COL11A1: variants seen among roughly 807,000 people sequenced by gnomAD.
COL11A1 encodes collagen alpha-1(XI) chain.
A neutral mutation model predicts 265.2 loss-of-function variants in COL11A1; 74 were observed. The ratio of observed to expected loss-of-function variants is 0.28; its 90% CI spans 0.23 to 0.34. COL11A1 has a LOEUF of 0.34. Among genes scored for constraint, COL11A1 ranks in the 10% least tolerant of loss-of-function variants. The pLI is 1.00. For synonymous variants in COL11A1, 816 were observed against 727.6 expected, an observed-to-expected ratio of 1.12 and a Z score of -1.96; for missense variants, 2,165 against 2,263.6, an observed-to-expected ratio of 0.96 and a Z score of 0.88.
intron 41 of COL11A1, among the ~76,000 whole-genome samples, chr1:102,953,711 T>C (rs971495466): frequency 2.6e-5 from 4 of 152,184 alleles, no homozygotes; most frequent in Non-Finnish European, 5.9e-5. Context: ...GAAAATTATA[T>C]GGCATATTTA....
At chr1:103,013,533 C>T (rs1046194379) in intron 13 of COL11A1, among the ~76,000 whole-genome samples, 3 of 151,614 alleles carry the variant, frequency 2.0e-5, no homozygotes, top group African/African-American at 7.3e-5. Context: ...ATGCCAAAAT[C>T]TAATAAACAA....
intron 1 of COL11A1, among the ~76,000 whole-genome samples, chr1:103,097,990 T>A (rs1197742318): frequency 6.6e-6 from 1 of 151,844 alleles, no homozygotes; most frequent in Non-Finnish European, 1.5e-5. Flanking sequence ...CTGAGTATGG[T>A]GAAGAAAAGA....
At chr1:103,080,249 C>A (rs1672299219) in intron 2 of COL11A1, among the ~76,000 whole-genome samples, 1 of 151,758 alleles carries the variant, frequency 6.6e-6, no homozygotes, top group South Asian at 2.1e-4. Context: ...GAAGACAGTA[C>A]AGTATCTCAA....
rs554991103 is a variant in COL11A1, at chr1:102,938,964, A to G, written c.3438+71T>C. 50 of 1,384,866 alleles carry G rather than the reference A, an allele frequency of 3.6e-5. No homozygotes were observed. In the South Asian group the frequency reaches 5.2e-4, roughly 14 times the overall value. 85.8% of individuals were successfully genotyped at this position (1,384,866 alleles called of 1,614,324 possible). A position where few individuals can be genotyped will look rare whatever the true frequency, so the allele number is the denominator to read the frequency against. On this transcript the variant is annotated intron_variant, in intron 44 of 66. Coordinates refer to ENST00000370096, the MANE Select transcript of COL11A1 (RefSeq NM_001854.4). ...CTAGGAAAGTAAGTAGCACTATATA[A>G]AAATATCAATGGTAAACAGTAAAAG...
chr1:102,945,247 A>ACACTCTCT (rs1659133764), intron 42 of COL11A1, among the ~76,000 whole-genome samples: 1 of 129,176 alleles, frequency 7.7e-6, no homozygotes, highest in African/African-American at 3.0e-5. Context: ...TTTTCTTTTT[A>ACACTCTCT]CTCTCTCTCT....
chr1:102,965,096 A>G (rs189291655), intron 38 of COL11A1, among the ~76,000 whole-genome samples: 8 of 152,308 alleles, frequency 5.3e-5, no homozygotes, highest in Admixed American at 3.3e-4. Flanking sequence ...TTCTAAATCT[A>G]ATTTATACTC....
intron 7 of COL11A1, among the ~76,000 whole-genome samples, chr1:103,025,019 A>C (rs1256904444): frequency 2.0e-5 from 3 of 152,220 alleles, no homozygotes; most frequent in African/African-American, 7.2e-5. Context: ...ATAAGAATTA[A>C]TATTACATTC....
In COL11A1 at chr1:103,079,393, G is replaced by T. The variant is rs1399942164; in HGVS notation, c.275-522C>A. Among the ~76,000 whole-genome samples, 6 of 152,156 alleles carry T rather than the reference G, an allele frequency of 3.9e-5. No individual in the cohort carries two copies. The East Asian group carries it at 1.2e-3, about 29-fold the overall frequency. On this transcript the variant is annotated intron_variant, in intron 2 of 66. Coordinates refer to ENST00000370096, the MANE Select transcript of COL11A1 (RefSeq NM_001854.4). The stretch of plus-strand genomic sequence containing the variant: ...CTGTATATTGCTTCTTATTAAAGAA[G>T]CATATGTCATTATGAGCCAGAACTA...
At chr1:102,906,935 T>C (rs958199172) in intron 54 of COL11A1, among the ~76,000 whole-genome samples, 1 of 152,012 alleles carries the variant, frequency 6.6e-6, no homozygotes, top group Non-Finnish European at 1.5e-5. Context: ...GTGAAGAAAA[T>C]AGATTATTAT....
At chr1:103,071,413 G>T (rs1437413926) in intron 4 of COL11A1, among the ~76,000 whole-genome samples, 1 of 136,914 alleles carries the variant, frequency 7.3e-6, no homozygotes, top group African/African-American at 2.7e-5. Flanking sequence ...TCACATCTTT[G>T]AATCTTATTT....
rs1377655546 is a variant in COL11A1 at position 103,074,692 on chromosome 1, T to A, written c.577A>T (p.Ser193Cys). The A allele has an allele frequency of 6.2e-7, 1 of 1,613,432 alleles. No homozygotes were observed. Among genetic ancestry groups the A allele is most frequent in the Admixed American group, 1.7e-5 (1 of 59,832 alleles). Reference sequence around the variant, plus strand: ...TTGGTATCAACAATTGCTCTCTCACTTCTATCAAGTGGTTTCGTGGTTTTC... The same window carrying A: ...TTGGTATCAACAATTGCTCTCTCACATCTATCAAGTGGTTTCGTGGTTTTC... Reference protein sequence around the residue: ...KKKTTKPLDRSERAIVDTNGI... With the variant: ...KKKTTKPLDRCERAIVDTNGI... Residue 193 changes from serine to cysteine, a missense_variant, in exon 4 of 67, where the codon AGT becomes TGT. Transcript: ENST00000370096.
At chr1:102,965,595 A>C (rs1349524664) in intron 37 of COL11A1, 55 bp from the exon 38 acceptor site, 1 of 1,445,594 alleles carries the variant, frequency 6.9e-7, no homozygotes, top group East Asian at 2.3e-5. Flanking sequence ...AGCATAAATC[A>C]AAATTCTATG....
intron 66 of COL11A1, among the ~76,000 whole-genome samples, chr1:102,879,243 G>C (rs1027713732): frequency 1.8e-4 from 27 of 151,988 alleles, no homozygotes; most frequent in African/African-American, 6.5e-4. Flanking sequence ...AACTGATATA[G>C]TACAAATTAA....
chr1:102,879,180 G>A (rs2101003830), intron 66 of COL11A1, among the ~76,000 whole-genome samples: 1 of 152,156 alleles, frequency 6.6e-6, no homozygotes, highest in African/African-American at 2.4e-5. Context: ...TCTTATGTGT[G>A]TGAACAAGGT....
intron 49 of COL11A1, among the ~76,000 whole-genome samples, chr1:102,919,343 A>T (rs1322874960): frequency 3.5e-5 from 2 of 57,846 alleles, no homozygotes; most frequent in Non-Finnish European, 7.2e-5. Flanking sequence ...AAAATATAAT[A>T]ACAATCTAAT....
chr1:103,076,100 G>A (rs1163830473), intron 3 of COL11A1, among the ~76,000 whole-genome samples: 1 of 151,948 alleles, frequency 6.6e-6, no homozygotes, highest in African/African-American at 2.4e-5. Flanking sequence ...AATTAATGTA[G>A]GCTATGATAA....
intron 42 of COL11A1, 126 bp downstream of exon 42, chr1:102,946,723 T>C (rs1283807764): frequency 4.6e-5 from 35 of 763,816 alleles, no homozygotes. Context: ...CGAGCCAGGG[T>C]ATTTACATGC....
intron 11 of COL11A1, 106 bp from the exon 12 acceptor site, chr1:103,015,848 C>A: frequency 1.3e-6 from 1 of 770,582 alleles, no homozygotes; most frequent in Non-Finnish European, 2.1e-6. Context: ...TTGCATTTGC[C>A]CTTTCCACCT....
intron 4 of COL11A1, among the ~76,000 whole-genome samples, chr1:103,071,718 C>T (rs958331330): frequency 1.3e-5 from 2 of 151,122 alleles, no homozygotes; most frequent in East Asian, 1.9e-4. Context: ...TTCTGACTGA[C>T]AGATGGGTCA....
Sources: allele counts gnomAD v4.1 joint callset (sites outside exome capture counted in the v4.1 genomes callset), GRCh38; gene constraint gnomAD v4.1.1; transcripts MANE v1.5; gene names NCBI Gene and HGNC (gene_info 2026-07-23, HGNC 2026-07-21).